CCDC60: variants seen among roughly 807,000 people sequenced by gnomAD.
CCDC60 encodes coiled-coil domain-containing protein 60.
CCDC60 carries 54 observed loss-of-function variants against 63.5 expected under a neutral mutation model. That is an observed-to-expected ratio of 0.85 (90% CI 0.68 to 1.07). CCDC60 has a LOEUF of 1.07. CCDC60 is among the 50% of genes least tolerant of loss of function. CCDC60 has a pLI of 0.00. For synonymous variants in CCDC60, 206 were observed against 238.8 expected (o/e 0.86, Z 1.27); for missense variants, 651 against 684.3 (o/e 0.95, Z 0.54).
At chr12:119,508,787 A>G (rs1485437841) in intron 7 of CCDC60, among the ~76,000 whole-genome samples, 2 of 152,128 alleles carry the variant, frequency 1.3e-5, no homozygotes, top group Non-Finnish European at 2.9e-5. Flanking sequence ...GACCTGATCT[A>G]CTTTTCCAAG....
chr12:119,498,390 T>C (rs1025834886), intron 5 of CCDC60, among the ~76,000 whole-genome samples: 19 of 152,050 alleles, frequency 1.2e-4, no homozygotes, highest in Non-Finnish European at 2.2e-4. Context: ...TGGAGTGCAA[T>C]GGTGCGATCT....
chr12:119,353,598 C>CTTTTTTTTTTTTTTTTTTTTTTTTT (rs71072514), intron 1 of CCDC60, among the ~76,000 whole-genome samples: 1 of 68,204 alleles, frequency 1.5e-5, no homozygotes, highest in Non-Finnish European at 2.7e-5. Flanking sequence ...TCTTCTTCTT[C>CTTTTTTTTTTTTTTTTTTTTTTTTT]TTTTTTTTTT....
chr12:119,346,832 C>CTTTCTT (rs1555230529), intron 1 of CCDC60, among the ~76,000 whole-genome samples: 7 of 91,110 alleles, frequency 7.7e-5, no homozygotes, highest in Admixed American at 4.6e-4. Flanking sequence ...TTCTTTCTTT[C>CTTTCTT]TTTTTTTTTT....
intron 1 of CCDC60, among the ~76,000 whole-genome samples, chr12:119,392,115 A>G (rs1018798472): frequency 2.6e-5 from 4 of 152,178 alleles, no homozygotes; most frequent in African/African-American, 9.7e-5. Context: ...ATTCTAGAGA[A>G]AGGGGTGTCC....
intron 11 of CCDC60, among the ~76,000 whole-genome samples, chr12:119,526,531 A>AT (rs1327636133): frequency 6.6e-6 from 1 of 152,252 alleles, no homozygotes; most frequent in African/African-American, 2.4e-5. Context: ...AAGGTCTAAT[A>AT]TCCAGCATCT....
chr12:119,367,321 C>T (rs942507990), intron 1 of CCDC60, among the ~76,000 whole-genome samples: 4 of 152,190 alleles, frequency 2.6e-5, no homozygotes, highest in African/African-American at 9.7e-5. Context: ...GTCCTACCCT[C>T]TGAAGTAAGT....
chr12:119,529,834 A>G (rs1445367463), intron 12 of CCDC60, among the ~76,000 whole-genome samples: 1 of 152,198 alleles, frequency 6.6e-6, no homozygotes, highest in Non-Finnish European at 1.5e-5. Flanking sequence ...TACAGAAGGA[A>G]ATTAATGCTG....
chr12:119,407,857 T>C (rs1956522227), intron 1 of CCDC60, among the ~76,000 whole-genome samples: 1 of 152,206 alleles, frequency 6.6e-6, no homozygotes, highest in Non-Finnish European at 1.5e-5. Context: ...TCTGATTAAG[T>C]CTGTGCTTTT....
intron 7 of CCDC60, among the ~76,000 whole-genome samples, chr12:119,513,405 C>T (rs1384785639): frequency 2.0e-5 from 3 of 152,200 alleles, no homozygotes; most frequent in Non-Finnish European, 4.4e-5. Context: ...ATGCATCTTC[C>T]GAAATCCATA....
intron 2 of CCDC60, chr12:119,447,809 C>G (rs1267966416): frequency 6.6e-6 from 1 of 152,582 alleles, no homozygotes; most frequent in Non-Finnish European, 1.5e-5. Flanking sequence ...AAGAAACTGG[C>G]TCCTGAGAAT....
chr12:119,363,299 A>G (rs1198775374), intron 1 of CCDC60, among the ~76,000 whole-genome samples: 1 of 152,016 alleles, frequency 6.6e-6, no homozygotes, highest in Non-Finnish European at 1.5e-5. Flanking sequence ...ACAACTTTTC[A>G]TGTTGTTACG....
rs114492794 is a variant in CCDC60 at position 119,516,396 on chromosome 12, C to T, written c.884-227C>T. Among the ~76,000 whole-genome samples the T allele has an allele frequency of 5.2e-3, 788 of 152,298 alleles. 7 individuals carry two copies. The highest frequency in any genetic ancestry group is 0.018 in the African/African-American group (753 of 41,572). On this transcript the variant is annotated intron_variant, in intron 7 of 13. Transcript: ENST00000327554. ...ACTGGCATTACAGGCATTAGCCAAACGTAACACAGAACCACTGATGGGTTT... is the reference window on the plus strand; with the variant it reads ...ACTGGCATTACAGGCATTAGCCAAATGTAACACAGAACCACTGATGGGTTT...
At chr12:119,512,451 C>T (rs1952237881) in intron 7 of CCDC60, among the ~76,000 whole-genome samples, 1 of 152,146 alleles carries the variant, frequency 6.6e-6, no homozygotes, top group Non-Finnish European at 1.5e-5. Flanking sequence ...GAGGAGAAGA[C>T]CTGCAAGTGA....
chr12:119,493,782 TA>T (rs1396501530), intron 5 of CCDC60, among the ~76,000 whole-genome samples: 1 of 152,214 alleles, frequency 6.6e-6, no homozygotes, highest in African/African-American at 2.4e-5. Flanking sequence ...TGAATGCCCA[TA>T]AGTATTTATT....
chr12:119,523,947 A>G (rs1263133659), intron 11 of CCDC60, 129 bp downstream of exon 11: 2 of 944,166 alleles, frequency 2.1e-6, no homozygotes, highest in Non-Finnish European at 3.1e-6. Flanking sequence ...CAGGGAGCTC[A>G]CAGTCTTCTG....
chr12:119,507,583 TATATATAC>T (rs1566050525), intron 7 of CCDC60, among the ~76,000 whole-genome samples: 379 of 36,220 alleles, frequency 0.01, 16 homozygotes, highest in East Asian at 0.071. Flanking sequence ...TATATACACA[TATATATAC>T]ATATATATAT....
At position 119,423,726 on chromosome 12, in the gene CCDC60, A is replaced by G. The variant is rs11064792; in HGVS notation, c.91-4957A>G. ...CTTTTGCTAATCTCTAGCTTGCCTC[A>G]TCATTCCTTATGTGACTTTTGAGCT... On this transcript the variant is annotated intron_variant, in intron 1 of 13. Transcript: ENST00000327554. Among the ~76,000 whole-genome samples the G allele has an allele frequency of 3.6e-3, 547 of 152,284 alleles. 5 individuals are homozygous for G. Among genetic ancestry groups the G allele is most frequent in the African/African-American group, 0.013 (540 of 41,556 alleles).
intron 8 of CCDC60, 67 bp from the exon 9 acceptor site, chr12:119,520,054 C>A: frequency 7.5e-7 from 1 of 1,340,994 alleles, no homozygotes; most frequent in Non-Finnish European, 1.1e-6. Flanking sequence ...CCTCCTCCCA[C>A]ATGTAGTTAC....
chr12:119,440,116 G>GACTT (rs1384187545), intron 2 of CCDC60, among the ~76,000 whole-genome samples: 4 of 152,066 alleles, frequency 2.6e-5, no homozygotes, highest in Non-Finnish European at 5.9e-5. Flanking sequence ...ACGCATGCAG[G>GACTT]ACTTAAAACC....
Sources: allele counts gnomAD v4.1 joint callset (sites outside exome capture counted in the v4.1 genomes callset), GRCh38; gene constraint gnomAD v4.1.1; transcripts MANE v1.5; gene names NCBI Gene and HGNC (gene_info 2026-07-23, HGNC 2026-07-21).